Variants in DR1 observed in about 807,000 individuals in gnomAD.
DR1 encodes the protein down-regulator of transcription 1.
In DR1, 7 loss-of-function variants were observed where a neutral mutation model predicts 19.9. The observed-to-expected ratio is 0.35, with a 90% CI of 0.20 to 0.66. The LOEUF is 0.66. DR1 is among the 30% of genes least tolerant of loss of function. The pLI is 0.66. For missense variants in DR1, 98 were observed against 203.7 expected, an observed-to-expected ratio of 0.48 and a Z score of 3.16; for synonymous variants, 76 against 72.5, an observed-to-expected ratio of 1.05 and a Z score of -0.24.
In DR1 at chr1:93,346,169, G is replaced by T; in HGVS notation, c.-477G>T. The T allele has an allele frequency of 4.4e-6, 1 of 225,906 alleles. No individual in the cohort carries two copies. Among genetic ancestry groups the T allele is most frequent in the Non-Finnish European group, 8.8e-6 (1 of 114,176 alleles). The allele number at this position is 225,906 out of a possible 1,614,324, so 14.0% of individuals were successfully genotyped here. A position where few individuals can be genotyped will look rare whatever the true frequency, so the allele number is the denominator to read the frequency against. On this transcript the variant is annotated 5_prime_UTR_variant, in exon 1 of 3. Coordinates refer to ENST00000370272, the MANE Select transcript of DR1 (RefSeq NM_001938.3). Reference sequence around the variant, plus strand: ...TGAAGGATGGTTTGGCCGAGGCGGCGGCAACGGCTGCTGGCGGCGGCGGCA... The same window carrying T: ...TGAAGGATGGTTTGGCCGAGGCGGCTGCAACGGCTGCTGGCGGCGGCGGCA...
At chr1:93,356,462 C>T (rs749396880) in intron 2 of DR1, among the ~76,000 whole-genome samples, 5 of 152,130 alleles carry the variant, frequency 3.3e-5, no homozygotes, top group African/African-American at 4.8e-5. Context: ...AAAGTATCAG[C>T]GCTGATACAG....
At chr1:93,354,168 T>A in intron 2 of DR1, 97 bp downstream of exon 2, 1 of 1,218,234 alleles carries the variant, frequency 8.2e-7, no homozygotes, top group African/African-American at 1.5e-5. Flanking sequence ...AGGATTCCCT[T>A]TTTCTAGGTA....
Position 93,360,846 on chromosome 1 carries a change from A to C in DR1, c.*207A>C. Reference sequence around the variant, plus strand: ...AACTATTGAAAATTTAAGGTTCAGTATAATATCAATTTTGAATTTTTAATG... The same window carrying C: ...AACTATTGAAAATTTAAGGTTCAGTCTAATATCAATTTTGAATTTTTAATG... On this transcript the variant is annotated 3_prime_UTR_variant, in exon 3 of 3. Transcript: ENST00000370272. The C allele has an allele frequency of 1.9e-6, 1 of 516,398 alleles. No individual in the cohort carries two copies. The highest frequency in any genetic ancestry group is 3.5e-5 in the South Asian group (1 of 28,228). The allele number at this position is 516,398 out of a possible 1,614,324, so 32.0% of individuals were successfully genotyped here. A position where few individuals can be genotyped will look rare whatever the true frequency, so the allele number is the denominator to read the frequency against.
Position 93,368,476 on chromosome 1 carries a change from A to T in DR1, c.*7837A>T, listed in dbSNP as rs1046419095. 20 of 152,194 alleles carry T rather than the reference A, an allele frequency of 1.3e-4. No homozygotes were observed. The highest frequency in any genetic ancestry group is 4.6e-4 in the African/African-American group (19 of 41,432). 9.4% of individuals were successfully genotyped at this position (152,194 alleles called of 1,614,324 possible). On this transcript the variant is annotated 3_prime_UTR_variant, in exon 3 of 3. Coordinates refer to ENST00000370272, the MANE Select transcript of DR1 (RefSeq NM_001938.3). Reference sequence around the variant, plus strand: ...TTAGAAAGTATGTATGCAGCAAAGGATGGAGAAACTGTCCTTGTTGTTAAG... The same window carrying T: ...TTAGAAAGTATGTATGCAGCAAAGGTTGGAGAAACTGTCCTTGTTGTTAAG...
Position 93,354,174 on chromosome 1 carries a change from A to C in DR1, c.384+103A>C, listed in dbSNP as rs186120849. On this transcript the variant is annotated intron_variant, in intron 2 of 2. Transcript: ENST00000370272. ...CATACCCAGAGGATTCCCTTTTTCT[A>C]GGTAGTTGATTATAGATTCTGGTGT... 4.4e-5 allele frequency: 52 copies of C among 1,172,442 alleles called. 1 individual carries two copies. The East Asian group carries it at 1.3e-3, about 30-fold the overall frequency. 72.6% of individuals were successfully genotyped at this position (1,172,442 alleles called of 1,614,324 possible).
chr1:93,352,261 A>G (rs771460), intron 1 of DR1, among the ~76,000 whole-genome samples: 127,318 of 152,140 alleles, frequency 0.84, 53,453 homozygotes, highest in East Asian at 1. Context: ...TAGTAGAGAC[A>G]GGGTTTCACC....
rs1421523179 is a variant in DR1 at position 93,369,148 on chromosome 1, A to C, written c.*8509A>C. 1.3e-5 allele frequency: 2 copies of C among 152,162 alleles called. No individual in the cohort carries two copies. The highest frequency in any genetic ancestry group is 2.9e-5 in the Non-Finnish European group (2 of 68,004). The allele number at this position is 152,162 out of a possible 1,614,324, so 9.4% of individuals were successfully genotyped here. A position where few individuals can be genotyped will look rare whatever the true frequency, so the allele number is the denominator to read the frequency against. ...CTGGCGGATACCAAGGGATGACTGT[A>C]ATATAATAACATCTAACAAGTGAAG... On this transcript the variant is annotated 3_prime_UTR_variant, in exon 3 of 3. Transcript: ENST00000370272.
Position 93,369,320 on chromosome 1 carries a change from T to G in DR1, c.*8681T>G, listed in dbSNP as rs1346741456. 1 of 152,206 alleles carries G rather than the reference T, an allele frequency of 6.6e-6. No individual in the cohort carries two copies. The highest frequency in any genetic ancestry group is 1.5e-5 in the Non-Finnish European group (1 of 68,036). 9.4% of individuals were successfully genotyped at this position (152,206 alleles called of 1,614,324 possible). ...CTTTTAAAAAAATTATAAGCCTGCC[T>G]GAGGATAGCAAAATTGTGTGCTTTT... is the stretch of plus-strand genomic sequence containing the variant. On this transcript the variant is annotated 3_prime_UTR_variant, in exon 3 of 3. Coordinates refer to ENST00000370272, the MANE Select transcript of DR1 (RefSeq NM_001938.3).
chr1:93,346,433 C>A lies in DR1; in HGVS notation c.-213C>A. 2 of 577,490 alleles carry A rather than the reference C, an allele frequency of 3.5e-6. No individual in the cohort carries two copies. Among genetic ancestry groups the A allele is most frequent in the South Asian group, 2.0e-5 (1 of 49,308 alleles). 35.8% of individuals were successfully genotyped at this position (577,490 alleles called of 1,614,324 possible). On this transcript the variant is annotated 5_prime_UTR_variant, in exon 1 of 3. Coordinates refer to ENST00000370272, the MANE Select transcript of DR1 (RefSeq NM_001938.3). ...TGCTCTCTCTAGAATCCTCGGGCCC[C>A]CACTTTCTTCCCAAACTCATCCTAA...
At chr1:93,347,110 A>G (rs187018968) in intron 1 of DR1, among the ~76,000 whole-genome samples, 16 of 152,340 alleles carry the variant, frequency 1.1e-4, no homozygotes, top group Admixed American at 3.3e-4. Context: ...CAAAACGTAA[A>G]GAATAAGAGT....
At chr1:93,356,883 G>A (rs1666994076) in intron 2 of DR1, among the ~76,000 whole-genome samples, 1 of 151,972 alleles carries the variant, frequency 6.6e-6, no homozygotes, top group Non-Finnish European at 1.5e-5. Context: ...CACCATGCCT[G>A]GCTAATTTTT....
At chr1:93,351,225 A>G (rs554219580) in intron 1 of DR1, among the ~76,000 whole-genome samples, 14 of 152,244 alleles carry the variant, frequency 9.2e-5, no homozygotes, top group African/African-American at 2.6e-4. Context: ...AATTTTTGAA[A>G]TTAAATTTAT....
chr1:93,347,138 A>T (rs891502622), intron 1 of DR1, among the ~76,000 whole-genome samples: 1 of 152,240 alleles, frequency 6.6e-6, no homozygotes, highest in African/African-American at 2.4e-5. Flanking sequence ...CTTTACAGCC[A>T]GGTAAGCCGA....
intron 1 of DR1, among the ~76,000 whole-genome samples, chr1:93,352,221 C>T (rs543171062): frequency 6.6e-6 from 1 of 152,276 alleles, no homozygotes; most frequent in East Asian, 1.9e-4. Flanking sequence ...AGGCGCCTGC[C>T]ACCACGCCGG....
Position 93,361,152 on chromosome 1 carries a change from A to G in DR1, c.*513A>G, listed in dbSNP as rs1005710987. ...AAATGAGTACATATATAGGCAATAA[A>G]TATATATGCTCAGATCAATATACTT... On this transcript the variant is annotated 3_prime_UTR_variant, in exon 3 of 3. Transcript: ENST00000370272. 1.3e-5 allele frequency: 2 copies of G among 152,910 alleles called. No individual in the cohort carries two copies. Among genetic ancestry groups the G allele is most frequent in the Non-Finnish European group, 2.9e-5 (2 of 68,250 alleles). The allele number at this position is 152,910 out of a possible 1,614,324, so 9.5% of individuals were successfully genotyped here.
chr1:93,353,636 C>G (rs1156595417), intron 1 of DR1, among the ~76,000 whole-genome samples: 1 of 152,070 alleles, frequency 6.6e-6, no homozygotes, highest in Non-Finnish European at 1.5e-5. Context: ...ATGCTTTGGT[C>G]TTTTAAAAAT....
chr1:93,353,971 A>G lies in DR1; in HGVS notation c.284A>G (p.Lys95Arg). The G allele has an allele frequency of 6.2e-7, 1 of 1,613,910 alleles. No homozygotes were observed. The highest frequency in any genetic ancestry group is 8.5e-7 in the Non-Finnish European group (1 of 1,179,862). Residue 95 changes from lysine (K) to arginine (R), a missense_variant, in exon 2 of 3, where the codon AAA becomes AGA. Lys to Arg is a conservative substitution (Grantham distance 26). Transcript: ENST00000370272. The part of the protein sequence containing the change: ...SEVKEVLQEC[K>R]TVALKRRKAS... ...GTAAAAGAAGTCTTGCAAGAGTGTA[A>G]AACAGTAGCATTAAAAAGAAGAAAG...
Position 93,360,692 on chromosome 1 carries a change from A to G in DR1, c.*53A>G. The G allele has an allele frequency of 6.5e-7, 1 of 1,546,076 alleles. No individual in the cohort carries two copies. Among genetic ancestry groups the G allele is most frequent in the Non-Finnish European group, 8.7e-7 (1 of 1,153,066 alleles). ...CTATAAATGTTTTTCCCTGCACAACAAAAACAGTGAAAGAAATGCTTATCT... is the reference window on the plus strand; with the variant it reads ...CTATAAATGTTTTTCCCTGCACAACGAAAACAGTGAAAGAAATGCTTATCT... On this transcript the variant is annotated 3_prime_UTR_variant, in exon 3 of 3. Transcript: ENST00000370272.
chr1:93,352,343 T>A (rs1666923196), intron 1 of DR1, among the ~76,000 whole-genome samples: 1 of 152,234 alleles, frequency 6.6e-6, no homozygotes. Flanking sequence ...GTGCTGGGAT[T>A]ATAGGCGTGA....
Sources: allele counts gnomAD v4.1 joint callset (sites outside exome capture counted in the v4.1 genomes callset), GRCh38; gene constraint gnomAD v4.1.1; transcripts MANE v1.5; gene names NCBI Gene and HGNC (gene_info 2026-07-23, HGNC 2026-07-21).